Variants in KCTD8 observed in about 807,000 individuals in gnomAD.
The protein encoded by KCTD8 is BTB/POZ domain-containing protein KCTD8.
Under a neutral mutation model 31.5 loss-of-function variants are expected in KCTD8, and 27 were observed. The ratio of observed to expected loss-of-function variants is 0.86; its 90% CI spans 0.63 to 1.18. The LOEUF (loss-of-function observed/expected upper bound fraction) is 1.18. Among genes scored for constraint, KCTD8 ranks in the 50% most tolerant of loss-of-function variants. The pLI, the probability that KCTD8 is intolerant of heterozygous loss-of-function variation, is 0.00. For missense variants in KCTD8, 658 were observed against 647.7 expected (o/e 1.02, Z -0.17); for synonymous variants, 290 against 280.0 (o/e 1.04, Z -0.36).
chr4:44,187,761 G>C (rs1005398045), intron 1 of KCTD8, among the ~76,000 whole-genome samples: 1 of 152,096 alleles, frequency 6.6e-6, no homozygotes, highest in Admixed American at 6.5e-5. Context: ...GGTGGCTCCG[G>C]GAGGGAAAAA....
chr4:44,300,922 T>C (rs1717596187), intron 1 of KCTD8, among the ~76,000 whole-genome samples: 1 of 139,124 alleles, frequency 7.2e-6, no homozygotes, highest in Non-Finnish European at 1.5e-5. Context: ...TGTGTCCATA[T>C]GTTCTCATTG....
intron 1 of KCTD8, among the ~76,000 whole-genome samples, chr4:44,204,049 C>A (rs1714230649): frequency 6.6e-6 from 1 of 151,924 alleles, no homozygotes; most frequent in South Asian, 2.1e-4. Flanking sequence ...GAAGGCAGCT[C>A]ATCATTCTGA....
At chr4:44,291,817 A>G (rs1015577627) in intron 1 of KCTD8, among the ~76,000 whole-genome samples, 1 of 152,120 alleles carries the variant, frequency 6.6e-6, no homozygotes, top group African/African-American at 2.4e-5. Context: ...TGGGCAAAGA[A>G]CAAGAACAGA....
intron 1 of KCTD8, among the ~76,000 whole-genome samples, chr4:44,374,787 A>G (rs1437557784): frequency 6.6e-6 from 1 of 152,144 alleles, no homozygotes; most frequent in Non-Finnish European, 1.5e-5. Context: ...CGTGTGGTTC[A>G]TGCTCCCCCA....
At chr4:44,311,857 A>G (rs1717960889) in intron 1 of KCTD8, among the ~76,000 whole-genome samples, 1 of 150,316 alleles carries the variant, frequency 6.7e-6, no homozygotes, top group South Asian at 2.1e-4. Flanking sequence ...ATTCTGTGTC[A>G]GCATCCTAGA....
At chr4:44,271,930 C>T (rs1206436104) in intron 1 of KCTD8, among the ~76,000 whole-genome samples, 1 of 151,900 alleles carries the variant, frequency 6.6e-6, no homozygotes, top group Admixed American at 6.6e-5. Flanking sequence ...TGTCTTTAAT[C>T]CTCTAGTGCC....
intron 1 of KCTD8, among the ~76,000 whole-genome samples, chr4:44,434,185 T>C (rs1432235463): frequency 6.6e-6 from 1 of 151,882 alleles, no homozygotes; most frequent in Non-Finnish European, 1.5e-5. Context: ...TAATTTGCAA[T>C]GTCACCTTTT....
At chr4:44,263,950 C>T (rs1465831626) in intron 1 of KCTD8, among the ~76,000 whole-genome samples, 1 of 152,220 alleles carries the variant, frequency 6.6e-6, no homozygotes, top group Non-Finnish European at 1.5e-5. Context: ...CAATCTCCCA[C>T]TGTTCCCCAG....
chr4:44,208,319 T>C (rs1442000392), intron 1 of KCTD8, among the ~76,000 whole-genome samples: 5 of 152,154 alleles, frequency 3.3e-5, no homozygotes, highest in Admixed American at 3.3e-4. Context: ...CCCCTGTGTA[T>C]CCTGGCACTA....
At chr4:44,226,498 CAT>C (rs1361637220) in intron 1 of KCTD8, among the ~76,000 whole-genome samples, 1 of 152,144 alleles carries the variant, frequency 6.6e-6, no homozygotes, top group Non-Finnish European at 1.5e-5. Context: ...TTGCAATAAA[CAT>C]ATGTGTGCAT....
chr4:44,320,476 T>C (rs1043550830), intron 1 of KCTD8, among the ~76,000 whole-genome samples: 24 of 152,208 alleles, frequency 1.6e-4, no homozygotes, highest in Non-Finnish European at 3.1e-4. Flanking sequence ...ATACATGTTA[T>C]GATTCAGATA....
intron 1 of KCTD8, among the ~76,000 whole-genome samples, chr4:44,227,060 AATTTTGGCTTTTGTTGCC>A (rs1455238726): frequency 1.3e-5 from 2 of 152,070 alleles, no homozygotes; most frequent in Admixed American, 6.6e-5. Context: ...CCCATGTGTC[AATTTTGGCTTTTGTTGCC>A]ATTGCTTTTG....
chr4:44,330,145 G>A lies in KCTD8; in HGVS notation c.961+117418C>T, dbSNP rs576231300. Among the ~76,000 whole-genome samples, 32 of 151,758 alleles carry A rather than the reference G, an allele frequency of 2.1e-4. No individual in the cohort carries two copies. In the South Asian group the frequency reaches 3.1e-3, roughly 15 times the overall value. ...AAACCTCACATTTCAGGTTAGATAC[G>A]TTTGAATCTAATTAGGTGGACCTTT... On this transcript the variant is annotated intron_variant, in intron 1 of 1. Transcript: ENST00000360029.
chr4:44,197,779 C>T (rs1414850901), intron 1 of KCTD8, among the ~76,000 whole-genome samples: 8 of 152,156 alleles, frequency 5.3e-5, no homozygotes, highest in African/African-American at 1.9e-4. Flanking sequence ...TCCAAAGGAA[C>T]ACACTATTAT....
chr4:44,414,208 AAAG>A (rs1560449069), intron 1 of KCTD8, among the ~76,000 whole-genome samples: 1 of 152,164 alleles, frequency 6.6e-6, no homozygotes, highest in Non-Finnish European at 1.5e-5. Context: ...TGAAAAAAAA[AAAG>A]AAGAGCAAAA....
At chr4:44,335,549 T>C (rs1238277294) in intron 1 of KCTD8, among the ~76,000 whole-genome samples, 1 of 152,162 alleles carries the variant, frequency 6.6e-6, no homozygotes, top group Non-Finnish European at 1.5e-5. Flanking sequence ...ACATATTCAT[T>C]AGAAGTAAAT....
At position 44,337,814 on chromosome 4, in the gene KCTD8, C is replaced by T. The variant is rs76792364; in HGVS notation, c.961+109749G>A. ...AAAGTCCAAAATTGTACAAATGACA[C>T]GAACTGAACTATTTAAAATTATATA... On this transcript the variant is annotated intron_variant, in intron 1 of 1. Coordinates refer to ENST00000360029, the MANE Select transcript of KCTD8 (RefSeq NM_198353.3). Among the ~76,000 whole-genome samples the T allele has an allele frequency of 6.4e-3, 969 of 151,460 alleles. 12 individuals carry two copies. Among genetic ancestry groups the T allele is most frequent in the African/African-American group, 0.021 (884 of 41,294 alleles).
chr4:44,401,011 C>CCTTTTTT (rs1553905940), intron 1 of KCTD8, among the ~76,000 whole-genome samples: 7 of 95,916 alleles, frequency 7.3e-5, no homozygotes, highest in African/African-American at 2.8e-4. Flanking sequence ...AATTTTCTTT[C>CCTTTTTT]TTTTTTTTTT....
intron 1 of KCTD8, among the ~76,000 whole-genome samples, chr4:44,339,581 G>A (rs1718842455): frequency 6.6e-6 from 1 of 152,082 alleles, no homozygotes; most frequent in South Asian, 2.1e-4. Context: ...AGACATTTCT[G>A]TAATTATAGT....
Sources: allele counts gnomAD v4.1 joint callset (sites outside exome capture counted in the v4.1 genomes callset), GRCh38; gene constraint gnomAD v4.1.1; transcripts MANE v1.5; gene names NCBI Gene and HGNC (gene_info 2026-07-23, HGNC 2026-07-21).